APOM: variants seen among roughly 807,000 people sequenced by gnomAD.
The protein encoded by APOM is NG20-like protein.
A neutral mutation model predicts 23.5 loss-of-function variants in APOM; 24 were observed. The ratio of observed to expected loss-of-function variants is 1.02; its 90% CI spans 0.74 to 1.44. The LOEUF is 1.44. Ranked by LOEUF, APOM falls within the 40% of genes most tolerant of loss-of-function variation. APOM has a pLI of 0.00. For missense variants in APOM, 200 were observed against 233.2 expected (o/e 0.86, Z 0.93); for synonymous variants, 82 against 84.1 (o/e 0.97, Z 0.14).
intron 1 of APOM, 124 bp from the exon 2 acceptor site, chr6:31,656,348 C>T (rs1234371883): frequency 3.7e-6 from 4 of 1,074,114 alleles, no homozygotes; most frequent in Non-Finnish European, 5.4e-6. Context: ...ATCCAATCCC[C>T]AGTTGGAAAG....
chr6:31,657,697 C>T lies in APOM; in HGVS notation c.515C>T (p.Ala172Val), dbSNP rs747417643. The T allele has an allele frequency of 2.1e-5, 34 of 1,612,898 alleles. No homozygotes were observed. In the South Asian group the frequency reaches 3.5e-4, roughly 17 times the overall value. Residue 172 changes from alanine (A) to valine (V), a missense_variant, in exon 5 of 6, where the codon GCC becomes GTC. Physicochemically the swap from Ala to Val is moderately conservative, Grantham distance 64. Coordinates refer to ENST00000375916, the MANE Select transcript of APOM (RefSeq NM_019101.3). ...KSLTSCLDSK[A>V]FLLTPRNQEA... ...CTGACTTCCTGCCTGGACTCCAAAGCCTTCTTATTGACTCCTAGGAATCAA... is the reference window on the plus strand; with the variant it reads ...CTGACTTCCTGCCTGGACTCCAAAGTCTTCTTATTGACTCCTAGGAATCAA...
chr6:31,656,752 T>TG, intron 2 of APOM, 126 bp downstream of exon 2: 1 of 1,188,274 alleles, frequency 8.4e-7, no homozygotes, highest in Non-Finnish European at 1.2e-6. Flanking sequence ...ATTCAGTGGC[T>TG]GTATTAATTG....
At chr6:31,654,245 C>CAAAA (rs34260741), upstream of APOM, among the ~76,000 whole-genome samples, 1 of 99,120 alleles carries the variant, frequency 1.0e-5, no homozygotes, top group Non-Finnish European at 2.2e-5. Context: ...ACTCCCATCT[C>CAAAA]AAAAAAAAAA....
chr6:31,656,118 T>C (rs1800021633), intron 1 of APOM, 38 bp downstream of exon 1: 1 of 1,497,176 alleles, frequency 6.7e-7, no homozygotes, highest in Non-Finnish European at 9.1e-7. Flanking sequence ...TGGTGGAGGC[T>C]CTGAGGGACT....
intron 1 of APOM, 107 bp from the exon 2 acceptor site, chr6:31,656,365 G>A (rs760671153): frequency 9.9e-6 from 12 of 1,210,340 alleles, no homozygotes; most frequent in Non-Finnish European, 1.4e-5. Context: ...AAAGAGGAAG[G>A]CAGCCAACAC....
upstream of APOM, among the ~76,000 whole-genome samples, chr6:31,653,930 T>TCCCAAA (rs1490552080): frequency 1.3e-5 from 2 of 152,062 alleles, no homozygotes; most frequent in African/African-American, 4.8e-5. Flanking sequence ...GGATTATAGG[T>TCCCAAA]GTGAGCTACT....
At chr6:31,657,822 G>C in intron 5 of APOM, 99 bp downstream of exon 5, 3 of 1,180,782 alleles carry the variant, frequency 2.5e-6, no homozygotes, top group Non-Finnish European at 3.8e-6. Context: ...GAGGGATGTG[G>C]CTAAGAGCTG....
Position 31,657,207 on chromosome 6 carries a change from CCACCACCACCTCTGCAGGAAAG to C in APOM, c.270-17_274del, listed in dbSNP as rs1369107004. The C allele has an allele frequency of 3.7e-6, 6 of 1,611,166 alleles. No individual in the cohort carries two copies. Among genetic ancestry groups the C allele is most frequent in the Non-Finnish European group, 8.5e-7 (1 of 1,178,692 alleles). On this transcript the variant is annotated splice_acceptor_variant and splice_polypyrimidine_tract_variant and coding_sequence_variant and intron_variant, in exon 3 of 6. Transcript: ENST00000375916. LOFTEE classifies it high-confidence loss of function. ...GGTGATGCTCATTCTTTCCTCCTTG[CCACCACCACCTCTGCAGGAAAG>C]ATGGGCTCTGTGTGCCCCGGAAATG...
At chr6:31,658,008 T>C in intron 5 of APOM, 56 bp from the exon 6 acceptor site, 3 of 1,589,936 alleles carry the variant, frequency 1.9e-6, no homozygotes, top group Non-Finnish European at 2.6e-6. Context: ...ACTATCAACT[T>C]TGCTTTTCTC....
intron 5 of APOM, 115 bp downstream of exon 5, chr6:31,657,838 T>C: frequency 1.8e-6 from 2 of 1,086,270 alleles, no homozygotes; most frequent in Admixed American, 3.6e-5. Flanking sequence ...AGCTGTGATG[T>C]CACCTGAGGG....
upstream of APOM, chr6:31,652,515 T>C (rs1399416780): frequency 6.6e-6 from 1 of 152,266 alleles, no homozygotes; most frequent in African/African-American, 2.4e-5. Flanking sequence ...AGCTTTACTT[T>C]TGTGGGGCAC....
chr6:31,655,024 C>T (rs1220685089), upstream of APOM, among the ~76,000 whole-genome samples: 1 of 152,228 alleles, frequency 6.6e-6, no homozygotes, highest in African/African-American at 2.4e-5. Flanking sequence ...TCATTGCAGC[C>T]TCGACATCCC....
At chr6:31,657,899 T>G in intron 5 of APOM, 165 bp from the exon 6 acceptor site, 1 of 956,098 alleles carries the variant, frequency 1.0e-6, no homozygotes, top group Non-Finnish European at 1.6e-6. Flanking sequence ...GAGTTTGCAC[T>G]GGATAAAGGG....
At chr6:31,657,534 ACTC>A in intron 4 of APOM, 56 bp downstream of exon 4, 2 of 1,603,040 alleles carry the variant, frequency 1.2e-6, no homozygotes, top group Non-Finnish European at 1.7e-6. Context: ...GGGCAGGAGA[ACTC>A]CTCACTCTGG....
chr6:31,657,800 G>A, intron 5 of APOM, 77 bp downstream of exon 5: 2 of 1,318,912 alleles, frequency 1.5e-6, no homozygotes, highest in Non-Finnish European at 2.2e-6. Context: ...AGAGGCTCGT[G>A]TGATGTCACC....
chr6:31,653,422 T>C (rs1195324786), upstream of APOM, among the ~76,000 whole-genome samples: 2 of 152,212 alleles, frequency 1.3e-5, no homozygotes, highest in African/African-American at 4.8e-5. Flanking sequence ...GTGTCCAACC[T>C]TTCTGGGATT....
Position 31,657,375 on chromosome 6 carries a change from G to C in APOM, c.344-5G>C, listed in dbSNP as rs752514173. 6.2e-7 allele frequency: 1 copy of C among 1,612,896 alleles called. No individual in the cohort carries two copies. The highest frequency in any genetic ancestry group is 8.5e-7 in the Non-Finnish European group (1 of 1,180,038). ...TTCTCATACTTCTCCCACCTGCCTT[G>C]ACAGGCCGCCCTGACATGAAGACTG... On this transcript the variant is annotated splice_region_variant and splice_polypyrimidine_tract_variant and intron_variant, in intron 3 of 5. Coordinates refer to ENST00000375916, the MANE Select transcript of APOM (RefSeq NM_019101.3).
chr6:31,654,304 C>G (rs58368425), upstream of APOM, among the ~76,000 whole-genome samples: 634 of 151,436 alleles, frequency 4.2e-3, 4 homozygotes, highest in African/African-American at 0.014. Flanking sequence ...TTAATAAACT[C>G]TAATATACTG....
At chr6:31,653,991 A>G (rs1298685926), upstream of APOM, among the ~76,000 whole-genome samples, 1 of 152,118 alleles carries the variant, frequency 6.6e-6, no homozygotes, top group Non-Finnish European at 1.5e-5. Context: ...GGCCGGGCGC[A>G]GTGACTCACA....
Sources: gnomAD v4.1 joint callset for allele counts (sites outside exome capture counted in the v4.1 genomes callset) on GRCh38, gnomAD v4.1.1 for gene constraint, MANE v1.5 for transcripts, NCBI Gene and HGNC (gene_info 2026-07-23, HGNC 2026-07-21) for gene names.